COL4A3: variants seen among roughly 807,000 people sequenced by gnomAD.
COL4A3 encodes collagen alpha-3(IV) chain.
A neutral mutation model predicts 217.4 loss-of-function variants in COL4A3; 135 were observed. The ratio of observed to expected loss-of-function variants is 0.62; its 90% CI spans 0.54 to 0.72. The LOEUF is 0.72. Among genes scored for constraint, COL4A3 ranks in the 30% least tolerant of loss-of-function variants. The pLI, the probability that COL4A3 is intolerant of heterozygous loss-of-function variation, is 0.00. For missense variants in COL4A3, 1,868 were observed against 2,119.9 expected (o/e 0.88, Z 2.33); for synonymous variants, 690 against 736.3 (o/e 0.94, Z 1.02).
chr2:227,216,770 C>A (rs374183827), intron 1 of COL4A3, among the ~76,000 whole-genome samples: 1 of 152,172 alleles, frequency 6.6e-6, no homozygotes, highest in Admixed American at 6.5e-5. Flanking sequence ...CAAAAGTGTT[C>A]ACAGTGACAG....
chr2:227,168,683 T>A (rs935555924), intron 1 of COL4A3, among the ~76,000 whole-genome samples: 13 of 151,720 alleles, frequency 8.6e-5, no homozygotes, highest in Non-Finnish European at 1.3e-4. Flanking sequence ...CTTGTCAAAA[T>A]TTTTTTTTCC....
At position 227,277,454 on chromosome 2, in the gene COL4A3, C is replaced by A; in HGVS notation, c.2026C>A (p.Pro676Thr). The change falls in exon 28 of 52, where the codon CCT becomes ACT. Residue 676 changes from proline (P) to threonine (T), a missense_variant. Physicochemically the swap from Pro to Thr is conservative, Grantham distance 38 (BLOSUM62 -1). Transcript: ENST00000396578. ...TATGTGTATTTGTTTCTAAGGTATC[C>A]CTGGATCCCTGGGGAAATGTGGAGA... ...HPGPQGPPGI[P>T]GSLGKCGDPG... is the part of the protein sequence containing the mutation. 4 of 1,606,978 alleles carry A rather than the reference C, an allele frequency of 2.5e-6. No individual in the cohort carries two copies. Among genetic ancestry groups the A allele is most frequent in the Non-Finnish European group, 3.4e-6 (4 of 1,175,098 alleles).
At chr2:227,270,002 T>C (rs1339326038) in intron 24 of COL4A3, 22 bp downstream of exon 24, 1 of 1,601,534 alleles carries the variant, frequency 6.2e-7, no homozygotes, top group Non-Finnish European at 8.5e-7. Context: ...TGTTTTTAAA[T>C]CTTTAGCTTC....
chr2:227,198,121 CTG>C (rs1416221033), intron 1 of COL4A3, among the ~76,000 whole-genome samples: 2 of 152,218 alleles, frequency 1.3e-5, no homozygotes, highest in Non-Finnish European at 2.9e-5. Context: ...GCTCTAAGGA[CTG>C]TTGCATTTTT....
In COL4A3 at chr2:227,250,520, A is replaced by AAG. The variant is rs893208180; in HGVS notation, c.547-619_547-618insGA. ...AACACAGCAAGACCCAGTCTCTTAA[A>AAG]ATATATATATATATTGCCTTCATAG... On this transcript the variant is annotated intron_variant, in intron 9 of 51. Transcript: ENST00000396578. This position sits in a 1 kb window ranked among gnomAD's most constrained non-coding sequence, Gnocchi z 4.1. Among the ~76,000 whole-genome samples, 1 of 151,522 alleles carries AAG rather than the reference A, an allele frequency of 6.6e-6. No homozygotes were observed. The highest frequency in any genetic ancestry group is 1.5e-5 in the Non-Finnish European group (1 of 67,858).
rs1325281147 is a variant in COL4A3 at position 227,282,771 on chromosome 2, T to C, written c.2656+239T>C. Among the ~76,000 whole-genome samples the C allele has an allele frequency of 6.6e-6, 1 of 152,232 alleles. No homozygotes were observed. Among genetic ancestry groups the C allele is most frequent in the Non-Finnish European group, 1.5e-5 (1 of 68,036 alleles). ...TAATCCTTTTTATATACGACTACTATAATATACTTGCTAGTATTTTGTTGA... is the reference window on the plus strand; with the variant it reads ...TAATCCTTTTTATATACGACTACTACAATATACTTGCTAGTATTTTGTTGA... On this transcript the variant is annotated intron_variant, in intron 32 of 51. Transcript: ENST00000396578. This position sits in a 1 kb window ranked among gnomAD's most constrained non-coding sequence, Gnocchi z 4.4.
rs2070429834 is a variant in COL4A3 at position 227,259,794 on chromosome 2, C to T, written c.1031C>T (p.Thr344Ile). 1 of 1,606,768 alleles carries T rather than the reference C, an allele frequency of 6.2e-7. No homozygotes were observed. The highest frequency in any genetic ancestry group is 1.1e-5 in the South Asian group (1 of 90,934). ...GTATTTGTTTCTTTCTCCTCTAAGA[C>T]AGAATATTATGACACATACCAGGAA... ...DIGPPGFRGP[T>I]EYYDTYQEKG... is the part of the protein sequence containing the mutation. Residue 344 changes from threonine to isoleucine, a missense_variant and splice_region_variant, in exon 19 of 52, where the codon ACA (threonine) becomes ATA (isoleucine). Around this residue, in one of 2 missense-constraint regions of COL4A3, gnomAD observed 1,503 missense variants for 1,786.1 expected, o/e 0.84. Transcript: ENST00000396578.
intron 25 of COL4A3, among the ~76,000 whole-genome samples, chr2:227,272,324 TA>T (rs540428760): frequency 5.9e-5 from 9 of 152,274 alleles, no homozygotes; most frequent in East Asian, 1.9e-4. Flanking sequence ...ACCCTGTCAT[TA>T]AAAAAGGAGA....
chr2:227,291,130 G>C (rs1238202536), intron 37 of COL4A3: 3 of 490,822 alleles, frequency 6.1e-6, no homozygotes, highest in African/African-American at 5.8e-5. Context: ...TGCAATTTAG[G>C]TGTGCTGCCA....
chr2:227,235,546 C>T (rs937228220), intron 1 of COL4A3, among the ~76,000 whole-genome samples: 1 of 152,112 alleles, frequency 6.6e-6, no homozygotes, highest in African/African-American at 2.4e-5. Flanking sequence ...GCACCCATCA[C>T]CCAAACAGTG....
At chr2:227,287,287 C>T (rs1048990936) in intron 34 of COL4A3, among the ~76,000 whole-genome samples, 4 of 152,038 alleles carry the variant, frequency 2.6e-5, no homozygotes, top group African/African-American at 9.7e-5. Flanking sequence ...CAAAAATTAG[C>T]GGGCGTGGTG....
At chr2:227,199,302 A>G (rs72975968) in intron 1 of COL4A3, among the ~76,000 whole-genome samples, 7,099 of 152,204 alleles carry the variant, frequency 0.047, 197 homozygotes, top group Middle Eastern at 0.082. Context: ...TTTCACCCCC[A>G]TTCCTCCCCC....
chr2:227,193,782 AAGGAAGGAAGGAAGGAAGGGG>A (rs1226630137), intron 1 of COL4A3, among the ~76,000 whole-genome samples: 1 of 32,292 alleles, frequency 3.1e-5, no homozygotes, highest in African/African-American at 9.0e-5. Context: ...GGAAGGAAGG[AAGGAAGGAAGGAAGGAAGGGG>A]AGGGAGGGAG....
At chr2:227,279,140 A>T (rs1193425766) in intron 28 of COL4A3, among the ~76,000 whole-genome samples, 1 of 149,428 alleles carries the variant, frequency 6.7e-6, no homozygotes, top group Non-Finnish European at 1.5e-5. Context: ...TGTAATTGGC[A>T]CTATCTCAGC....
chr2:227,202,909 A>G lies in COL4A3; in HGVS notation c.88-35059A>G, dbSNP rs867770080. Among the ~76,000 whole-genome samples, 11 of 36,668 alleles carry G rather than the reference A, an allele frequency of 3.0e-4. 1 individual carries two copies. In the Admixed American group the frequency reaches 3.2e-3, roughly 11 times the overall value. The allele number at this position is 36,668 out of a possible 152,430, so 24.1% of individuals were successfully genotyped here. On this transcript the variant is annotated intron_variant, in intron 1 of 51. Coordinates refer to ENST00000396578, the MANE Select transcript of COL4A3 (RefSeq NM_000091.5). Reference sequence around the variant, plus strand: ...TGTGTATATATGTGTATATATGTGTATATATACATATATGTGTATATATGT... The same window carrying G: ...TGTGTATATATGTGTATATATGTGTGTATATACATATATGTGTATATATGT...
chr2:227,310,947 A>G lies in COL4A3; in HGVS notation c.4927A>G (p.Arg1643Gly). The G allele has an allele frequency of 1.2e-6, 2 of 1,613,374 alleles. No homozygotes were observed. The highest frequency in any genetic ancestry group is 1.7e-6 in the Non-Finnish European group (2 of 1,179,988). ...LASLNPERMF[R>G]KPIPSTVKAG... ...TTCATTAAACCCAGAAAGAATGTTC[A>G]GGTAACTATTCACCATCAAGCTTAA... Residue 1643 changes from arginine (R) to glycine (G), a missense_variant and splice_region_variant, in exon 51 of 52, where the codon AGA becomes GGA. Physicochemically the swap from Arg to Gly is moderately radical, Grantham distance 125. This residue lies in a region of COL4A3 where 1,503 missense variants were observed against 1,786.1 expected (regional missense o/e 0.84). Coordinates refer to ENST00000396578, the MANE Select transcript of COL4A3 (RefSeq NM_000091.5).
chr2:227,166,178 T>A (rs185698258), intron 1 of COL4A3, among the ~76,000 whole-genome samples: 66 of 152,382 alleles, frequency 4.3e-4, no homozygotes, highest in African/African-American at 1.6e-3. Context: ...GATTATTCAC[T>A]GTTTCACATT....
At chr2:227,265,629 C>T (rs1352929447) in intron 21 of COL4A3, among the ~76,000 whole-genome samples, 1 of 152,086 alleles carries the variant, frequency 6.6e-6, no homozygotes, top group Non-Finnish European at 1.5e-5. Flanking sequence ...CAGATGATAC[C>T]CTGAGTCAGA....
intron 50 of COL4A3, 70 bp downstream of exon 50, chr2:227,309,388 A>T (rs1396770252): frequency 1.6e-6 from 2 of 1,222,312 alleles, no homozygotes; most frequent in Non-Finnish European, 2.4e-6. Context: ...GCTGGGTAAA[A>T]TGTGATTCCC....
Sources: gnomAD v4.1 joint callset for allele counts (sites outside exome capture counted in the v4.1 genomes callset) on GRCh38, gnomAD v4.1.1 for gene constraint, gnomAD v4.1.1 regional missense constraint, Gnocchi (gnomAD v3.1) non-coding constraint, MANE v1.5 for transcripts, NCBI Gene and HGNC (gene_info 2026-07-23, HGNC 2026-07-21) for gene names.